The following CA10 variants were observed in gnomAD, a reference collection of about 807,000 sequenced individuals.
CA10 encodes carbonic anhydrase-related protein 10.
CA10 carries 14 observed loss-of-function variants against 44.2 expected under a neutral mutation model. That is an observed-to-expected ratio of 0.32 (90% confidence interval 0.21 to 0.50). The LOEUF (loss-of-function observed/expected upper bound fraction) is 0.50, where lower values mean the gene tolerates loss of function less well. Among genes scored for constraint, CA10 ranks in the 20% least tolerant of loss-of-function variants. The pLI is 0.99. For missense variants in CA10, 350 were observed against 409.7 expected (o/e 0.85, Z 1.26); for synonymous variants, 159 against 141.6 (o/e 1.12, Z -0.87).
intron 4 of CA10, chr17:51,661,798 T>G (rs1392087802): frequency 6.6e-6 from 1 of 152,200 alleles, no homozygotes. Flanking sequence ...TAAAGAGAAA[T>G]GCATTCCGAA....
intron 3 of CA10, among the ~76,000 whole-genome samples, chr17:51,849,233 G>GTGTATATA (rs1387448675): frequency 1.3e-3 from 50 of 39,890 alleles, no homozygotes; most frequent in South Asian, 2.8e-3. Flanking sequence ...ATATGTGTGT[G>GTGTATATA]TATATATATA....
intron 2 of CA10, among the ~76,000 whole-genome samples, chr17:51,963,184 T>C (rs981200517): frequency 3.3e-5 from 5 of 152,100 alleles, no homozygotes; most frequent in Non-Finnish European, 7.4e-5. Context: ...TGAAGACTAG[T>C]CTTTTGAACT....
At chr17:51,968,882 A>G (rs539524991) in intron 2 of CA10, among the ~76,000 whole-genome samples, 24 of 152,090 alleles carry the variant, frequency 1.6e-4, no homozygotes, top group Admixed American at 2.6e-4. Flanking sequence ...AAACAAACCT[A>G]TAAGGTGAAC....
chr17:52,070,537 A>C (rs1379320529), intron 2 of CA10: 1 of 152,150 alleles, frequency 6.6e-6, no homozygotes, highest in Non-Finnish European at 1.5e-5. Context: ...CCAACAAGAA[A>C]CCACAGAACC....
At chr17:52,112,454 G>T (rs528386766) in intron 1 of CA10, among the ~76,000 whole-genome samples, 32 of 152,264 alleles carry the variant, frequency 2.1e-4, no homozygotes, top group South Asian at 1.5e-3. Context: ...AGCTGAATAG[G>T]TGGGAAAAAG....
chr17:51,830,346 G>T (rs1055031392), intron 3 of CA10, among the ~76,000 whole-genome samples: 3 of 151,992 alleles, frequency 2.0e-5, no homozygotes, highest in South Asian at 2.1e-4. Context: ...GTAGACCAGG[G>T]ATGCCTTTTT....
intron 3 of CA10, among the ~76,000 whole-genome samples, chr17:51,929,030 C>G (rs1227112887): frequency 6.6e-6 from 1 of 152,066 alleles, no homozygotes; most frequent in African/African-American, 2.4e-5. Context: ...GCCAAGATTC[C>G]AAACTCCAAT....
In CA10 at chr17:52,078,684, C is replaced by T. The variant is rs113416844; in HGVS notation, c.62-6291G>A. Among the ~76,000 whole-genome samples the T allele has an allele frequency of 8.5e-3, 1,301 of 152,262 alleles. 20 individuals carry two copies. The highest frequency in any genetic ancestry group is 0.049 in the South Asian group (236 of 4,826). On this transcript the variant is annotated intron_variant, in intron 1 of 8. Transcript: ENST00000451037. ...GCATATCCATGACATCACTTCTTTCCTTGCATGGCCAATTTTGTGTTCTAA... is the reference window on the plus strand; with the variant it reads ...GCATATCCATGACATCACTTCTTTCTTTGCATGGCCAATTTTGTGTTCTAA...
At chr17:51,972,468 A>T (rs937583679) in intron 2 of CA10, among the ~76,000 whole-genome samples, 6 of 152,070 alleles carry the variant, frequency 3.9e-5, no homozygotes, top group African/African-American at 9.7e-5. Context: ...ACTGTTATAG[A>T]TACAGAGATT....
chr17:51,768,564 A>G (rs1018664656), intron 3 of CA10, among the ~76,000 whole-genome samples: 6 of 152,184 alleles, frequency 3.9e-5, no homozygotes, highest in African/African-American at 1.2e-4. Context: ...TTTTTCTGCA[A>G]TGAGGATGTC....
chr17:51,714,367 A>G (rs1945213630), intron 4 of CA10, among the ~76,000 whole-genome samples: 1 of 152,228 alleles, frequency 6.6e-6, no homozygotes, highest in African/African-American at 2.4e-5. Flanking sequence ...TGTCACCTGT[A>G]AAATGGGTAC....
intron 1 of CA10, among the ~76,000 whole-genome samples, chr17:52,087,021 C>T (rs946081880): frequency 3.9e-5 from 6 of 152,214 alleles, no homozygotes; most frequent in African/African-American, 1.4e-4. Flanking sequence ...CAACCTATCT[C>T]TTTCCCCTGC....
intron 1 of CA10, among the ~76,000 whole-genome samples, chr17:52,091,277 T>C (rs771869932): frequency 6.6e-6 from 1 of 152,136 alleles, no homozygotes; most frequent in Non-Finnish European, 1.5e-5. Flanking sequence ...ATGTGTATTT[T>C]TTATGATTAG....
At chr17:52,090,330 T>A (rs1247918619) in intron 1 of CA10, among the ~76,000 whole-genome samples, 8 of 152,140 alleles carry the variant, frequency 5.3e-5, no homozygotes, top group Non-Finnish European at 1.0e-4. Context: ...CAAACAAGAT[T>A]TTTTAAAAAG....
intron 4 of CA10, among the ~76,000 whole-genome samples, chr17:51,654,216 A>T (rs950463054): frequency 6.6e-6 from 1 of 152,222 alleles, no homozygotes; most frequent in Non-Finnish European, 1.5e-5. Context: ...AGCCTGCAAG[A>T]TGCAGTAGTA....
chr17:51,921,344 T>G (rs934503029), intron 3 of CA10, among the ~76,000 whole-genome samples: 3 of 152,192 alleles, frequency 2.0e-5, no homozygotes, highest in Non-Finnish European at 4.4e-5. Flanking sequence ...TCACATAGCT[T>G]GAATTCTTAT....
At chr17:52,152,363 T>A (rs1476765919) in intron 1 of CA10, among the ~76,000 whole-genome samples, 1 of 152,150 alleles carries the variant, frequency 6.6e-6, no homozygotes, top group Non-Finnish European at 1.5e-5. Context: ...AGTGGGCTCA[T>A]CCCAACTTTC....
chr17:51,992,146 C>T (rs1375436301), intron 2 of CA10, among the ~76,000 whole-genome samples: 5 of 152,108 alleles, frequency 3.3e-5, no homozygotes, highest in Non-Finnish European at 7.4e-5. Context: ...ATCCTATTCT[C>T]TTCCTCCCTC....
At chr17:51,741,009 C>T (rs1321325096) in intron 4 of CA10, among the ~76,000 whole-genome samples, 1 of 152,112 alleles carries the variant, frequency 6.6e-6, no homozygotes, top group African/African-American at 2.4e-5. Flanking sequence ...ATCTGTCTCC[C>T]CCCGCTAGAC....
Sources: allele counts gnomAD v4.1 joint callset (sites outside exome capture counted in the v4.1 genomes callset), GRCh38; gene constraint gnomAD v4.1.1; transcripts MANE v1.5; gene names NCBI Gene and HGNC (gene_info 2026-07-23, HGNC 2026-07-21).